Variants in HLTF observed in about 807,000 individuals in gnomAD.
HLTF encodes the protein helicase like transcription factor.
HLTF carries 127 observed loss-of-function variants against 129.4 expected under a neutral mutation model. The ratio of observed to expected loss-of-function variants is 0.98; its 90% CI spans 0.85 to 1.14. HLTF has a LOEUF of 1.14. Among genes scored for constraint, HLTF ranks in the 50% most tolerant of loss-of-function variants. HLTF has a pLI of 0.00. For missense variants in HLTF, 1,139 were observed against 1,187.1 expected (o/e 0.96, Z 0.60); for synonymous variants, 332 against 388.8 (o/e 0.85, Z 1.72).
At chr3:149,060,208 T>C (rs1444287468) in intron 12 of HLTF, among the ~76,000 whole-genome samples, 4 of 152,166 alleles carry the variant, frequency 2.6e-5, no homozygotes, top group South Asian at 2.1e-4. Flanking sequence ...ATGAGAAATA[T>C]AGTATGATGT....
Position 149,060,704 on chromosome 3 carries a change from A to G in HLTF, c.1241-17T>C. The G allele has an allele frequency of 6.2e-7, 1 of 1,612,806 alleles. No individual in the cohort carries two copies. Among genetic ancestry groups the G allele is most frequent in the Non-Finnish European group, 8.5e-7 (1 of 1,179,092 alleles). ...TCAGTTTGCCTAAAAATAAAACAAA[A>G]ATAAACATAAAAATGGGCAAAACAG... On this transcript the variant is annotated splice_polypyrimidine_tract_variant and intron_variant, in intron 11 of 24. Transcript: ENST00000310053.
At chr3:149,043,376 G>C (rs1418698611) in intron 18 of HLTF, among the ~76,000 whole-genome samples, 1 of 151,344 alleles carries the variant, frequency 6.6e-6, no homozygotes, top group African/African-American at 2.4e-5. Context: ...ATGGAACACA[G>C]ATAAAAGACA....
intron 2 of HLTF, among the ~76,000 whole-genome samples, chr3:149,080,981 T>C (rs1435337854): frequency 6.6e-6 from 1 of 152,154 alleles, no homozygotes; most frequent in South Asian, 2.1e-4. Context: ...TATAGAAGTG[T>C]ACCATTTTTC....
At position 149,030,705 on chromosome 3, in the gene HLTF, A is replaced by G. The variant is rs1302487051; in HGVS notation, c.*1515T>C. On this transcript the variant is annotated 3_prime_UTR_variant, in exon 25 of 25. Transcript: ENST00000310053. ...CGGGCTAATCCCACATTATTATTCC[A>G]CTATCATCCCTGCAGAAAGGTCTTG... 1 of 152,132 alleles carries G rather than the reference A, an allele frequency of 6.6e-6. No individual in the cohort carries two copies. Among genetic ancestry groups the G allele is most frequent in the African/African-American group, 2.4e-5 (1 of 41,410 alleles). 9.4% of individuals were successfully genotyped at this position (152,132 alleles called of 1,614,324 possible). A position where few individuals can be genotyped will look rare whatever the true frequency, so the allele number is the denominator to read the frequency against.
chr3:149,058,689 C>T (rs74352455), intron 13 of HLTF, among the ~76,000 whole-genome samples: 2,793 of 152,274 alleles, frequency 0.018, 94 homozygotes, highest in African/African-American at 0.062. Context: ...AAAGAGATCA[C>T]TATCTACCAC....
intron 14 of HLTF, 95 bp downstream of exon 14, chr3:149,055,208 T>C: frequency 1.3e-6 from 1 of 791,008 alleles, no homozygotes; most frequent in Non-Finnish European, 2.0e-6. Flanking sequence ...TGACCAAGTA[T>C]ATTTACCCCA....
At position 149,071,618 on chromosome 3, in the gene HLTF, CT is replaced by C; in HGVS notation, c.666del (p.Glu223LysfsTer26). On this transcript the variant is annotated frameshift_variant, in exon 6 of 25. Transcript: ENST00000310053. LOFTEE classifies it high-confidence loss of function. ...TEFDKLFEDL[K>X]EDDKTHEMEP... ...TCCATTTCATGGGTTTTATCATCTT[CT>C]TTTAAATCTTCAAACAATTTGTCAA... 1.9e-6 allele frequency: 3 copies of C among 1,597,026 alleles called. No individual in the cohort carries two copies. The highest frequency in any genetic ancestry group is 1.7e-6 in the Non-Finnish European group (2 of 1,167,838).
chr3:149,042,045 A>C, intron 19 of HLTF, 121 bp downstream of exon 19: 1 of 849,708 alleles, frequency 1.2e-6, no homozygotes. Context: ...TCTCACACTA[A>C]AAGCAATCTC....
rs551321462 is a variant in HLTF, at chr3:149,060,674, A to C, written c.1254T>G (p.Asn418Lys). The change falls in exon 12 of 25, where the codon AAT (asparagine) becomes AAG (lysine). Residue 418 changes from asparagine to lysine, a missense_variant. By Grantham distance (94) the Asn-to-Lys change is moderately conservative. Transcript: ENST00000310053. The stretch of plus-strand genomic sequence containing the variant: ...CCCTGCCTTTAGTTTCAGACTGTAC[A>C]TTTTTCAGTTTGCCTAAAAATAAAA... ...LPQKMKGKLK[N>K]VQSETKGRAK... 6 of 1,613,350 alleles carry C rather than the reference A, an allele frequency of 3.7e-6. No individual in the cohort carries two copies. In the African/African-American group the frequency reaches 6.7e-5, roughly 18 times the overall value.
At chr3:149,083,090 A>C (rs1352037161) in intron 2 of HLTF, among the ~76,000 whole-genome samples, 1 of 152,114 alleles carries the variant, frequency 6.6e-6, no homozygotes, top group Admixed American at 6.6e-5. Flanking sequence ...CATCTCTCCT[A>C]AATACAAAAA....
At chr3:149,086,278 C>A in intron 1 of HLTF, 39 bp downstream of exon 1, 1 of 1,594,266 alleles carries the variant, frequency 6.3e-7, no homozygotes, top group Non-Finnish European at 8.6e-7. Context: ...CGCCTCCAGG[C>A]CGTTAGACCG....
chr3:149,041,874 A>C, intron 19 of HLTF: 1 of 580,366 alleles, frequency 1.7e-6, no homozygotes, highest in Non-Finnish European at 3.1e-6. Flanking sequence ...CCTCATAGAG[A>C]AGCATCATTA....
chr3:149,032,272 T>C lies in HLTF; in HGVS notation c.2978A>G (p.Asp993Gly). ...GAFGTKKPNA[D>G]EMKQAKINEI... Reference sequence around the variant, plus strand: ...ATTAATTTTGGCTTGTTTCATTTCGTCAGCATTTGGTTTTTTAGTTCCAAA... The same window carrying C: ...ATTAATTTTGGCTTGTTTCATTTCGCCAGCATTTGGTTTTTTAGTTCCAAA... The change falls in exon 25 of 25, where the codon GAC becomes GGC. Residue 993 changes from aspartate (D) to glycine (G), a missense_variant. By Grantham distance (94) the Asp-to-Gly change is moderately conservative. Transcript: ENST00000310053. 6.2e-7 allele frequency: 1 copy of C among 1,600,526 alleles called. No individual in the cohort carries two copies.
intron 7 of HLTF, 89 bp from the exon 8 acceptor site, chr3:149,068,424 T>C (rs1718583699): frequency 8.1e-6 from 5 of 619,146 alleles, no homozygotes; most frequent in African/African-American, 7.4e-5. Flanking sequence ...AGTAATCGAA[T>C]ATCAAATATC....
chr3:149,042,330 CAAT>C (rs763780376), intron 18 of HLTF, 40 bp from the exon 19 acceptor site: 11 of 1,519,994 alleles, frequency 7.2e-6, no homozygotes, highest in Admixed American at 1.8e-5. Flanking sequence ...GTCCGCTAAA[CAAT>C]AATAACTTCC....
chr3:149,032,694 G>A (rs1345600195), intron 24 of HLTF, among the ~76,000 whole-genome samples: 1 of 152,136 alleles, frequency 6.6e-6, no homozygotes, highest in Non-Finnish European at 1.5e-5. Flanking sequence ...CGGGCACGGT[G>A]GCTCACACCT....
At chr3:149,052,149 A>T (rs113123407) in intron 14 of HLTF, 64 of 111,734 alleles carry the variant, frequency 5.7e-4, no homozygotes, top group South Asian at 1.0e-3. Context: ...GCAAGACTGT[A>T]AAAAAAAAAA....
In HLTF at chr3:149,084,682, T is replaced by C; in HGVS notation, c.228A>G (p.Val76=). Residue 76 remains valine, a splice_region_variant and synonymous_variant, in exon 2 of 25, where the codon GTA becomes GTG. Coordinates refer to ENST00000310053, the MANE Select transcript of HLTF (RefSeq NM_003071.4). The part of the protein sequence containing the change: ...HVVGLRYYTG[V]VNNNEMVALQ... ...TTTAATTATCTACTATTATACTCAC[T>C]ACTCCCGTGTAATAGCGTAGTCCAA... 6.3e-7 allele frequency: 1 copy of C among 1,597,564 alleles called. No homozygotes were observed. Among genetic ancestry groups the C allele is most frequent in the Non-Finnish European group, 8.6e-7 (1 of 1,164,900 alleles).
intron 2 of HLTF, among the ~76,000 whole-genome samples, chr3:149,076,366 A>G (rs1719354856): frequency 6.6e-6 from 1 of 152,214 alleles, no homozygotes; most frequent in Non-Finnish European, 1.5e-5. Flanking sequence ...ACCCTTATTG[A>G]GCGCTTACTA....
Sources: allele counts gnomAD v4.1 joint callset (sites outside exome capture counted in the v4.1 genomes callset), GRCh38; gene constraint gnomAD v4.1.1; transcripts MANE v1.5; gene names NCBI Gene and HGNC (gene_info 2026-07-23, HGNC 2026-07-21).